WDPCP: variants seen among roughly 807,000 people sequenced by gnomAD.
WDPCP encodes WD repeat-containing and planar cell polarity effector protein fritz homolog.
WDPCP carries 71 observed loss-of-function variants against 93.1 expected under a neutral mutation model. The ratio of observed to expected loss-of-function variants is 0.76; its 90% confidence interval spans 0.63 to 0.93. WDPCP has a LOEUF of 0.93. Among genes scored for constraint, WDPCP ranks in the 40% least tolerant of loss-of-function variants. The probability of loss-of-function intolerance (pLI) is 0.00; values close to 1 mark genes in which losing one functional copy is unlikely to be tolerated. For missense variants in WDPCP, 844 were observed against 887.4 expected, an observed-to-expected ratio of 0.95 and a Z score of 0.62; for synonymous variants, 315 against 315.0, an observed-to-expected ratio of 1.00 and a Z score of 0.00.
intron 17 of WDPCP, among the ~76,000 whole-genome samples, chr2:63,123,873 G>GTA (rs1345181310): frequency 6.3e-4 from 92 of 145,852 alleles, no homozygotes; most frequent in South Asian, 1.3e-3. Flanking sequence ...ATTATATTGT[G>GTA]TATATATATA....
At chr2:63,614,159 C>A (rs1470074673) in intron 3 of WDPCP, among the ~76,000 whole-genome samples, 10 of 152,134 alleles carry the variant, frequency 6.6e-5, no homozygotes, top group African/African-American at 1.7e-4. Flanking sequence ...TCCTGAAAAT[C>A]ATTTACTACC....
chr2:63,155,124 GA>G (rs899906643), intron 15 of WDPCP, among the ~76,000 whole-genome samples: 9 of 152,110 alleles, frequency 5.9e-5, no homozygotes, highest in Non-Finnish European at 1.2e-4. Context: ...GCCTTTTGAG[GA>G]ACAACAGTTG....
chr2:63,161,102 A>G (rs1458854852), intron 15 of WDPCP, among the ~76,000 whole-genome samples: 1 of 152,208 alleles, frequency 6.6e-6, no homozygotes, highest in Non-Finnish European at 1.5e-5. Flanking sequence ...AACCATAGTT[A>G]ATAGATATGG....
At chr2:63,615,414 T>G (rs1020255958) in intron 3 of WDPCP, among the ~76,000 whole-genome samples, 20 of 152,154 alleles carry the variant, frequency 1.3e-4, no homozygotes, top group Admixed American at 3.9e-4. Context: ...AGGAAAGAAA[T>G]AAGCAATGCG....
chr2:63,806,373 G>T (rs566572043), intron 2 of WDPCP, among the ~76,000 whole-genome samples: 8 of 152,118 alleles, frequency 5.3e-5, no homozygotes, highest in African/African-American at 1.7e-4. Flanking sequence ...GTGCGAATAG[G>T]TGTGGGTCAC....
chr2:63,723,919 AG>A (rs962411351), intron 2 of WDPCP, among the ~76,000 whole-genome samples: 2 of 152,210 alleles, frequency 1.3e-5, no homozygotes, highest in African/African-American at 4.8e-5. Context: ...ATCTGTACAG[AG>A]GGGCAACTCA....
At chr2:63,589,739 A>G (rs1232162323), upstream of WDPCP, among the ~76,000 whole-genome samples, 1 of 152,144 alleles carries the variant, frequency 6.6e-6, no homozygotes, top group Non-Finnish European at 1.5e-5. Context: ...GTCATGGAAG[A>G]CCTGGGTAAC....
intron 3 of WDPCP, among the ~76,000 whole-genome samples, chr2:63,616,509 C>T (rs1011708766): frequency 2.6e-5 from 4 of 152,086 alleles, no homozygotes; most frequent in African/African-American, 9.7e-5. Context: ...CTAATGTGCA[C>T]CTTTGAGTCT....
chr2:63,185,814 G>T (rs575904109), intron 14 of WDPCP, among the ~76,000 whole-genome samples: 1 of 152,238 alleles, frequency 6.6e-6, no homozygotes, highest in South Asian at 2.1e-4. Flanking sequence ...GCTGGATTAT[G>T]GAATGCTCAG....
chr2:63,484,869 T>A, intron 5 of WDPCP, 48 bp downstream of exon 5: 1 of 1,595,264 alleles, frequency 6.3e-7, no homozygotes, highest in Non-Finnish European at 8.6e-7. Flanking sequence ...AAAGATGTTT[T>A]AAAAACAGAT....
intron 2 of WDPCP, among the ~76,000 whole-genome samples, chr2:63,758,281 A>C (rs1000313967): frequency 4.6e-5 from 7 of 152,098 alleles, no homozygotes; most frequent in African/African-American, 1.7e-4. Context: ...GGCCACAAAT[A>C]AGTACTCCGT....
intron 2 of WDPCP, among the ~76,000 whole-genome samples, chr2:63,710,750 G>C (rs752614556): frequency 6.6e-6 from 1 of 152,182 alleles, no homozygotes; most frequent in Non-Finnish European, 1.5e-5. Flanking sequence ...GTGGAAGTAG[G>C]CTTTTTCTTT....
intron 13 of WDPCP, among the ~76,000 whole-genome samples, chr2:63,311,241 T>G (rs915080407): frequency 6.6e-5 from 10 of 152,218 alleles, no homozygotes; most frequent in African/African-American, 1.9e-4. Flanking sequence ...GAAAATCATG[T>G]ATAAATAGGA....
At chr2:63,189,469 AG>A (rs1189544724) in intron 14 of WDPCP, among the ~76,000 whole-genome samples, 11 of 152,218 alleles carry the variant, frequency 7.2e-5, no homozygotes, top group Non-Finnish European at 1.6e-4. Flanking sequence ...TATATGTTAC[AG>A]GTGATTTGTC....
intron 14 of WDPCP, among the ~76,000 whole-genome samples, chr2:63,252,369 G>C (rs902244788): frequency 1.3e-5 from 2 of 152,068 alleles, no homozygotes; most frequent in African/African-American, 2.4e-5. Context: ...TTAAGAACAG[G>C]AATAAGACAA....
intron 3 of WDPCP, among the ~76,000 whole-genome samples, chr2:63,630,230 C>T (rs1274540961): frequency 6.6e-6 from 1 of 151,916 alleles, no homozygotes; most frequent in Non-Finnish European, 1.5e-5. Context: ...GGAAACAAAA[C>T]CCGGAGGAAA....
chr2:63,714,405 G>A (rs962249021), intron 2 of WDPCP, among the ~76,000 whole-genome samples: 2 of 152,004 alleles, frequency 1.3e-5, no homozygotes, highest in East Asian at 3.9e-4. Context: ...TCAGGTTCAG[G>A]GGACTATACC....
upstream of WDPCP, chr2:63,591,051 T>C (rs1709193065): frequency 6.6e-6 from 1 of 152,218 alleles, no homozygotes; most frequent in Non-Finnish European, 1.5e-5. Context: ...AATATGTGGC[T>C]CTGTCTGTGG....
At chr2:63,610,149 T>C (rs189447239) in intron 3 of WDPCP, among the ~76,000 whole-genome samples, 1 of 152,330 alleles carries the variant, frequency 6.6e-6, no homozygotes, top group Admixed American at 6.5e-5. Context: ...AGCAGCATGA[T>C]AATATGTGAA....
Sources: allele counts gnomAD v4.1 joint callset (sites outside exome capture counted in the v4.1 genomes callset), GRCh38; gene constraint gnomAD v4.1.1; transcripts MANE v1.5; gene names NCBI Gene and HGNC (gene_info 2026-07-23, HGNC 2026-07-21).